The following CACNA2D4 variants were observed in gnomAD, a reference collection of about 807,000 sequenced individuals.
CACNA2D4 encodes voltage-dependent calcium channel subunit alpha-2/delta-4.
In CACNA2D4, 157 loss-of-function variants were observed where a neutral mutation model predicts 163.8. The ratio of observed to expected loss-of-function variants is 0.96; its 90% CI spans 0.84 to 1.09. CACNA2D4 has a LOEUF of 1.09. Ranked by LOEUF, CACNA2D4 falls within the 50% of genes least tolerant of loss-of-function variation. The pLI is 0.00. For missense variants in CACNA2D4, 1,410 were observed against 1,479.9 expected, an observed-to-expected ratio of 0.95 and a Z score of 0.78; for synonymous variants, 598 against 586.9, an observed-to-expected ratio of 1.02 and a Z score of -0.27.
At chr12:1,867,621 T>C (rs372153721) in intron 18 of CACNA2D4, among the ~76,000 whole-genome samples, 1 of 152,106 alleles carries the variant, frequency 6.6e-6, no homozygotes, top group Non-Finnish European at 1.5e-5. Flanking sequence ...TAAAATGAAA[T>C]GGCAACCTAT....
At chr12:1,903,407 C>T (rs11503095) in intron 6 of CACNA2D4, among the ~76,000 whole-genome samples, 9,324 of 151,934 alleles carry the variant, frequency 0.061, 744 homozygotes, top group East Asian at 0.42. Context: ...GCAAAAGAAA[C>T]AATCAACAAA....
chr12:1,886,068 G>T (rs1866135635), intron 8 of CACNA2D4, 29 bp from the exon 9 acceptor site: 3 of 1,580,062 alleles, frequency 1.9e-6, no homozygotes, highest in African/African-American at 2.7e-5. Context: ...GAGGGGAGGT[G>T]GGGGGAGAAT....
chr12:1,815,036 C>T (rs1863830698), intron 26 of CACNA2D4, among the ~76,000 whole-genome samples: 1 of 152,126 alleles, frequency 6.6e-6, no homozygotes, highest in Non-Finnish European at 1.5e-5. Flanking sequence ...ATTACAGGCG[C>T]GTGTGATACC....
chr12:1,915,269 C>A, intron 1 of CACNA2D4: 1 of 702,606 alleles, frequency 1.4e-6, no homozygotes. Flanking sequence ...GACCCAGCGG[C>A]TGCACTGCTG....
At chr12:1,872,651 G>A (rs1865809786) in intron 18 of CACNA2D4, among the ~76,000 whole-genome samples, 1 of 152,168 alleles carries the variant, frequency 6.6e-6, no homozygotes, top group Middle Eastern at 3.2e-3. Flanking sequence ...TGGCAGTGAA[G>A]AAAACGCAGC....
At chr12:1,838,991 C>G (rs987009645) in intron 26 of CACNA2D4, among the ~76,000 whole-genome samples, 4 of 152,198 alleles carry the variant, frequency 2.6e-5, no homozygotes, top group African/African-American at 9.6e-5. Context: ...ACCAGTGACA[C>G]CGGGCTTCTA....
intron 6 of CACNA2D4, among the ~76,000 whole-genome samples, chr12:1,905,515 A>G (rs1208652423): frequency 6.6e-6 from 1 of 152,194 alleles, no homozygotes; most frequent in African/African-American, 2.4e-5. Flanking sequence ...GTATCAGGGG[A>G]CAAACTCAAC....
rs890659825 is a variant in CACNA2D4 at position 1,843,588 on chromosome 12, G to T, written c.2470+814C>A. On this transcript the variant is annotated intron_variant, in intron 25 of 37. Coordinates refer to ENST00000382722, the MANE Select transcript of CACNA2D4 (RefSeq NM_172364.5). The surrounding 1 kb of genome is among the most constrained non-coding windows in gnomAD (Gnocchi z 4.6). ...GGGGTGGCTGTGCCATGCACTCTGG[G>T]ATCCCTGGACAAGCCCCGGAAGCTC... Among the ~76,000 whole-genome samples the T allele has an allele frequency of 6.6e-6, 1 of 152,218 alleles. No homozygotes were observed. Among genetic ancestry groups the T allele is most frequent in the Non-Finnish European group, 1.5e-5 (1 of 68,042 alleles).
intron 26 of CACNA2D4, among the ~76,000 whole-genome samples, chr12:1,838,816 C>T (rs937438139): frequency 6.6e-6 from 1 of 152,110 alleles, no homozygotes; most frequent in Non-Finnish European, 1.5e-5. Context: ...AGCACAGGCG[C>T]AGGCTTGGCT....
chr12:1,840,088 T>C (rs1273677214), intron 26 of CACNA2D4, among the ~76,000 whole-genome samples: 1 of 152,208 alleles, frequency 6.6e-6, no homozygotes, highest in African/African-American at 2.4e-5. Flanking sequence ...AAGCGCACTC[T>C]GGTTGAACAG....
At chr12:1,852,602 C>T (rs1268862971) in intron 23 of CACNA2D4, among the ~76,000 whole-genome samples, 1 of 152,026 alleles carries the variant, frequency 6.6e-6, no homozygotes, top group Non-Finnish European at 1.5e-5. Context: ...TAACTGTATG[C>T]TATTTTATAT....
chr12:1,815,044 A>T (rs1565680658), intron 26 of CACNA2D4, among the ~76,000 whole-genome samples: 1 of 152,070 alleles, frequency 6.6e-6, no homozygotes, highest in Non-Finnish European at 1.5e-5. Flanking sequence ...CGCGTGTGAT[A>T]CCATGCATGG....
At chr12:1,913,652 G>C (rs993873846) in intron 2 of CACNA2D4, among the ~76,000 whole-genome samples, 1 of 152,238 alleles carries the variant, frequency 6.6e-6, no homozygotes, top group African/African-American at 2.4e-5. Context: ...GAGCTCAGCA[G>C]CTCCAGGCAC....
At position 1,917,586 on chromosome 12, in the gene CACNA2D4, C is replaced by A. The variant is rs1445824199; in HGVS notation, c.227+661G>T. On this transcript the variant is annotated intron_variant, in intron 1 of 37. Coordinates refer to ENST00000382722, the MANE Select transcript of CACNA2D4 (RefSeq NM_172364.5). This position sits in a 1 kb window ranked among gnomAD's most constrained non-coding sequence, Gnocchi z 4.3. ...TGAGCTAGGGCCTAAAACACAGACA[C>A]CCCAGAGAGGTTGCACAGTAATTTA... is the stretch of plus-strand genomic sequence containing the variant. Among the ~76,000 whole-genome samples, 1 of 152,174 alleles carries A rather than the reference C, an allele frequency of 6.6e-6. No individual in the cohort carries two copies. Among genetic ancestry groups the A allele is most frequent in the Non-Finnish European group, 1.5e-5 (1 of 68,024 alleles).
intron 18 of CACNA2D4, among the ~76,000 whole-genome samples, chr12:1,861,162 C>T (rs934195574): frequency 7.2e-5 from 11 of 152,156 alleles, no homozygotes; most frequent in African/African-American, 1.7e-4. Context: ...GAAACTGGAG[C>T]GAGGTGTCAG....
At chr12:1,794,636 C>G (rs1041035982) in intron 37 of CACNA2D4, among the ~76,000 whole-genome samples, 10 of 152,146 alleles carry the variant, frequency 6.6e-5, no homozygotes, top group African/African-American at 1.9e-4. Flanking sequence ...CACCATGACC[C>G]GTTTATTATA....
At chr12:1,832,601 A>G (rs1864682637) in intron 26 of CACNA2D4, among the ~76,000 whole-genome samples, 1 of 152,230 alleles carries the variant, frequency 6.6e-6, no homozygotes, top group Non-Finnish European at 1.5e-5. Context: ...AATTTCAATT[A>G]TTTCCATGAA....
intron 6 of CACNA2D4, among the ~76,000 whole-genome samples, chr12:1,890,765 C>G (rs564036505): frequency 6.6e-6 from 1 of 152,202 alleles, no homozygotes; most frequent in Admixed American, 6.5e-5. Flanking sequence ...CTCTGTTCCC[C>G]CCATCCAGTG....
chr12:1,853,901 G>A (rs1428902248), intron 23 of CACNA2D4, 50 bp downstream of exon 23: 1 of 1,458,188 alleles, frequency 6.9e-7, no homozygotes, highest in South Asian at 1.2e-5. Flanking sequence ...CTTAGCCAAG[G>A]GAATTCTGGG....
Sources: allele counts gnomAD v4.1 joint callset (sites outside exome capture counted in the v4.1 genomes callset), GRCh38; gene constraint gnomAD v4.1.1; non-coding constraint Gnocchi (gnomAD v3.1); transcripts MANE v1.5; gene names NCBI Gene and HGNC (gene_info 2026-07-23, HGNC 2026-07-21).